The following HERPUD1 variants were observed in gnomAD, a reference collection of about 807,000 sequenced individuals.
HERPUD1 encodes the protein homocysteine-responsive endoplasmic reticulum-resident ubiquitin-like domain member 1 protein.
In HERPUD1, 17 loss-of-function variants were observed where a neutral mutation model predicts 45.0. The ratio of observed to expected loss-of-function variants is 0.38; its 90% CI spans 0.26 to 0.57. The LOEUF (loss-of-function observed/expected upper bound fraction) is 0.57, where lower values mean the gene tolerates loss of function less well. Among genes scored for constraint, HERPUD1 ranks in the 20% least tolerant of loss-of-function variants. The probability of loss-of-function intolerance (pLI) is 0.72; values close to 1 mark genes in which losing one functional copy is unlikely to be tolerated. For synonymous variants in HERPUD1, 164 were observed against 177.5 expected, an observed-to-expected ratio of 0.92 and a Z score of 0.61; for missense variants, 420 against 490.5, an observed-to-expected ratio of 0.86 and a Z score of 1.36.
At position 56,943,924 on chromosome 16, in the gene HERPUD1, G is replaced by C. The variant is rs1790806631; in HGVS notation, c.*634G>C. Reference sequence around the variant, plus strand: ...CCTAGCAGTTTACTCTGCGTTTGTTGTATCTAGACAGTCAACAACTGAGTT... The same window carrying C: ...CCTAGCAGTTTACTCTGCGTTTGTTCTATCTAGACAGTCAACAACTGAGTT... On this transcript the variant is annotated 3_prime_UTR_variant, in exon 8 of 8. Transcript: ENST00000439977. 1.1e-5 allele frequency: 2 copies of C among 184,774 alleles called. No individual in the cohort carries two copies. The highest frequency in any genetic ancestry group is 2.3e-5 in the Non-Finnish European group (2 of 86,382). The allele number at this position is 184,774 out of a possible 1,614,324, so 11.4% of individuals were successfully genotyped here. A position where few individuals can be genotyped will look rare whatever the true frequency, so the allele number is the denominator to read the frequency against.
rs575530035 is a variant in HERPUD1, at chr16:56,932,230, ACCG to A, written c.-3_-1del. 10 of 1,603,284 alleles carry A rather than the reference ACCG, an allele frequency of 6.2e-6. No individual in the cohort carries two copies. Among genetic ancestry groups the A allele is most frequent in the Admixed American group, 1.7e-5 (1 of 59,704 alleles). On this transcript the variant is annotated 5_prime_UTR_variant, in exon 1 of 8. Coordinates refer to ENST00000439977, the MANE Select transcript of HERPUD1 (RefSeq NM_014685.4). The stretch of plus-strand genomic sequence containing the variant: ...CCTAGGAGCGCAGCGGAGCCCCGAC[ACCG>A]CCGCCGCCGCCATGGAGTCCGAGAC...
intron 4 of HERPUD1, among the ~76,000 whole-genome samples, chr16:56,937,785 T>G (rs1455871371): frequency 1.3e-5 from 2 of 151,132 alleles, no homozygotes; most frequent in Non-Finnish European, 2.9e-5. Context: ...TTTATTTCCA[T>G]GCACTGTAAT....
intron 4 of HERPUD1, 91 bp from the exon 5 acceptor site, chr16:56,939,146 G>T (rs565995076): frequency 7.0e-6 from 10 of 1,421,016 alleles, no homozygotes; most frequent in Middle Eastern, 4.0e-4. Flanking sequence ...CTGTCTCTTC[G>T]ATTTGAATTC....
intron 6 of HERPUD1, chr16:56,941,292 G>C (rs2055907436): frequency 6.6e-6 from 1 of 152,216 alleles, no homozygotes; most frequent in African/African-American, 2.4e-5. Flanking sequence ...TTTAGCTGTG[G>C]CCCGAAGCAG....
chr16:56,936,050 G>A (rs1331844407), intron 3 of HERPUD1: 1 of 153,454 alleles, frequency 6.5e-6, no homozygotes, highest in African/African-American at 2.4e-5. Flanking sequence ...CACTAGACCT[G>A]GCTCTAAAGA....
intron 5 of HERPUD1, among the ~76,000 whole-genome samples, chr16:56,939,618 A>G (rs879481799): frequency 1.3e-5 from 2 of 152,202 alleles, no homozygotes; most frequent in Admixed American, 6.5e-5. Context: ...AATTTGTGCT[A>G]TCTTCAAAGT....
In HERPUD1 at chr16:56,942,292, C is replaced by CAAT. The variant is rs3833831; in HGVS notation, c.1011+56_1011+58dup. On this transcript the variant is annotated intron_variant, in intron 7 of 7. Transcript: ENST00000439977. ...GCTTGACGTGATATGCCAGGCTCTC[C>CAAT]AATCCTCAACCTTTAGATTGCCAGC... The CAAT allele has an allele frequency of 0.026, 29,032 of 1,130,364 alleles. 3,518 individuals are homozygous for CAAT. In the African/African-American group the frequency reaches 0.32, roughly 13 times the overall value. The allele number at this position is 1,130,364 out of a possible 1,614,324, so 70.0% of individuals were successfully genotyped here. A position where few individuals can be genotyped will look rare whatever the true frequency, so the allele number is the denominator to read the frequency against.
chr16:56,936,547 C>T (rs777403497), intron 3 of HERPUD1, 140 bp from the exon 4 acceptor site: 5 of 546,144 alleles, frequency 9.2e-6, no homozygotes, highest in African/African-American at 2.0e-5. Flanking sequence ...TTTTACATAA[C>T]GTTGCTTCTG....
chr16:56,938,602 A>G (rs2055885231), intron 4 of HERPUD1, among the ~76,000 whole-genome samples: 1 of 150,952 alleles, frequency 6.6e-6, no homozygotes, highest in Non-Finnish European at 1.5e-5. Flanking sequence ...ACATCAGACC[A>G]GCTCTGAAAT....
In HERPUD1 at chr16:56,940,180, C is replaced by T. The variant is rs376520953; in HGVS notation, c.840C>T (p.Ile280=). The change falls in exon 6 of 8, where the codon ATC becomes ATT. Residue 280 remains isoleucine, a synonymous_variant. Coordinates refer to ENST00000439977, the MANE Select transcript of HERPUD1 (RefSeq NM_014685.4). Reference sequence around the variant, plus strand: ...CTACATTTTCTGTTTTTCTCAGTATCCTCTACTTCTACTCCTCCCTGAGCA... The same window carrying T: ...CTACATTTTCTGTTTTTCTCAGTATTCTCTACTTCTACTCCTCCCTGAGCA... The part of the protein sequence containing the change: ...SAATFSVFLS[I]LYFYSSLSRF... 2 of 1,614,214 alleles carry T rather than the reference C, an allele frequency of 1.2e-6. No individual in the cohort carries two copies. The highest frequency in any genetic ancestry group is 2.2e-5 in the East Asian group (1 of 44,890).
intron 6 of HERPUD1, 91 bp from the exon 7 acceptor site, chr16:56,942,041 C>A: frequency 1.1e-6 from 1 of 950,710 alleles, no homozygotes; most frequent in Non-Finnish European, 1.7e-6. Context: ...TATCAGGGTG[C>A]TGCTGTGATT....
intron 1 of HERPUD1, chr16:56,933,142 C>G (rs2055840196): frequency 2.5e-5 from 10 of 400,814 alleles, no homozygotes; most frequent in South Asian, 1.9e-4. Context: ...CCTGTATTTA[C>G]TTTCTGCTCT....
Position 56,942,152 on chromosome 16 carries a change from C to T in HERPUD1, c.926C>T (p.Pro309Leu). 1 of 1,613,946 alleles carries T rather than the reference C, an allele frequency of 6.2e-7. No homozygotes were observed. The highest frequency in any genetic ancestry group is 8.5e-7 in the Non-Finnish European group (1 of 1,179,886). ...VMYLHHVGWF[P>L]FRPRPVQNFP... Reference sequence around the variant, plus strand: ...TGAAGGCATCACGTTGGGTGGTTTCCATTTAGACCGAGGCCGGTTCAGAAC... The same window carrying T: ...TGAAGGCATCACGTTGGGTGGTTTCTATTTAGACCGAGGCCGGTTCAGAAC... The change falls in exon 7 of 8, where the codon CCA (proline) becomes CTA (leucine). Residue 309 changes from proline (P) to leucine (L), a missense_variant. Physicochemically the swap from Pro to Leu is moderately conservative, Grantham distance 98. Transcript: ENST00000439977.
chr16:56,936,596 G>T, intron 3 of HERPUD1, 91 bp from the exon 4 acceptor site: 1 of 1,270,428 alleles, frequency 7.9e-7, no homozygotes, highest in East Asian at 2.6e-5. Context: ...GGTAGGAGAT[G>T]TAAGCCCTTG....
chr16:56,932,331 C>T lies in HERPUD1; in HGVS notation c.87C>T (p.Asp29=). The part of the protein sequence containing the change: ...QRHRDLELSG[D]RGWSVGHLKA... ...ACCGCGACTTGGAGCTGAGTGGCGA[C>T]CGCGGCTGGAGTGTGGGCCACCTCA... Residue 29 remains aspartate, a synonymous_variant, in exon 1 of 8, where the codon GAC becomes GAT. Coordinates refer to ENST00000439977, the MANE Select transcript of HERPUD1 (RefSeq NM_014685.4). The T allele has an allele frequency of 6.2e-7, 1 of 1,604,292 alleles. No homozygotes were observed. The highest frequency in any genetic ancestry group is 1.3e-5 in the African/African-American group (1 of 74,962).
At position 56,943,921 on chromosome 16, in the gene HERPUD1, G is replaced by A. The variant is rs778982794; in HGVS notation, c.*631G>A. ...CATCCTAGCAGTTTACTCTGCGTTT[G>A]TTGTATCTAGACAGTCAACAACTGA... On this transcript the variant is annotated 3_prime_UTR_variant, in exon 8 of 8. Transcript: ENST00000439977. The A allele has an allele frequency of 8.6e-5, 16 of 186,660 alleles. No individual in the cohort carries two copies. Among genetic ancestry groups the A allele is most frequent in the Non-Finnish European group, 1.6e-4 (14 of 87,278 alleles). 11.6% of individuals were successfully genotyped at this position (186,660 alleles called of 1,614,324 possible). A position where few individuals can be genotyped will look rare whatever the true frequency, so the allele number is the denominator to read the frequency against.
rs1440307446 is a variant in HERPUD1 at position 56,940,083 on chromosome 16, C to T, written c.743C>T (p.Ala248Val). 5 of 1,614,178 alleles carry T rather than the reference C, an allele frequency of 3.1e-6. No individual in the cohort carries two copies. Among genetic ancestry groups the T allele is most frequent in the Non-Finnish European group, 4.2e-6 (5 of 1,180,040 alleles). ...GCCAATCAAAATTTGCGGATGAATG[C>T]ACAAGGTGGCCCTATTGTGGAAGAA... ...PGANQNLRMNAQGGPIVEEDD... is the reference protein window; with the variant it reads ...PGANQNLRMNVQGGPIVEEDD... The change falls in exon 6 of 8, where the codon GCA (alanine) becomes GTA (valine). Residue 248 changes from alanine (A) to valine (V), a missense_variant. Transcript: ENST00000439977.
intron 1 of HERPUD1, among the ~76,000 whole-genome samples, chr16:56,934,803 C>T (rs551503993): frequency 2.1e-4 from 31 of 149,402 alleles, no homozygotes; most frequent in Non-Finnish European, 4.0e-4. Context: ...CCTCTGCCTC[C>T]CTGGTTCAAG....
intron 1 of HERPUD1, among the ~76,000 whole-genome samples, chr16:56,932,815 C>A (rs1338784145): frequency 1.3e-5 from 2 of 152,220 alleles, no homozygotes; most frequent in African/African-American, 4.8e-5. Flanking sequence ...ACCGCCCAGA[C>A]ACTGTGGACG....
Sources: allele counts gnomAD v4.1 joint callset (sites outside exome capture counted in the v4.1 genomes callset), GRCh38; gene constraint gnomAD v4.1.1; transcripts MANE v1.5; gene names NCBI Gene and HGNC (gene_info 2026-07-23, HGNC 2026-07-21).